RFNG: variants seen among roughly 807,000 people sequenced by gnomAD.
RFNG encodes the protein beta-1,3-N-acetylglucosaminyltransferase radical fringe.
In RFNG, 37 loss-of-function variants were observed where a neutral mutation model predicts 29.6. The ratio of observed to expected loss-of-function variants is 1.25; its 90% CI spans 0.96 to 1.65. The LOEUF (loss-of-function observed/expected upper bound fraction) is 1.65. Ranked by LOEUF, RFNG falls within the 40% of genes most tolerant of loss-of-function variation. The pLI is 0.00. For synonymous variants in RFNG, 276 were observed against 197.3 expected (o/e 1.40, Z -3.34); for missense variants, 546 against 457.0 (o/e 1.19, Z -1.78).
chr17:82,051,480 G>T lies in RFNG; in HGVS notation c.267+20C>A, dbSNP rs1477606916. The T allele has an allele frequency of 2.2e-6, 3 of 1,355,194 alleles. No individual in the cohort carries two copies. The highest frequency in any genetic ancestry group is 1.5e-5 in the African/African-American group (1 of 64,922). The allele number at this position is 1,355,194 out of a possible 1,614,324, so 83.9% of individuals were successfully genotyped here. On this transcript the variant is annotated intron_variant, in intron 1 of 7. Transcript: ENST00000310496. This position sits in a 1 kb window ranked among gnomAD's most constrained non-coding sequence, Gnocchi z 4.1. ...GCGGGTGGGCGTGGGGCTCGCCGTCGGGGTCGGGGTCCGGCGCACCTGCTG... is the reference window on the plus strand; with the variant it reads ...GCGGGTGGGCGTGGGGCTCGCCGTCTGGGTCGGGGTCCGGCGCACCTGCTG...
chr17:82,050,036 C>A (rs757848380), intron 4 of RFNG, 30 bp from the exon 5 acceptor site: 2 of 1,560,472 alleles, frequency 1.3e-6, no homozygotes, highest in Admixed American at 1.8e-5. Flanking sequence ...CAGAGCTGCC[C>A]AGGACAGGGC....
At chr17:82,050,137 A>G in intron 4 of RFNG, 131 bp from the exon 5 acceptor site, 1 of 906,768 alleles carries the variant, frequency 1.1e-6, no homozygotes. Context: ...AGCTTCTTGG[A>G]GCAAAAAGAG....
rs1300399813 is a variant in RFNG at position 82,050,560 on chromosome 17, G to A, written c.420-5C>T. The A allele has an allele frequency of 6.2e-7, 1 of 1,610,322 alleles. No homozygotes were observed. The highest frequency in any genetic ancestry group is 8.5e-7 in the Non-Finnish European group (1 of 1,177,996). On this transcript the variant is annotated splice_region_variant and splice_polypyrimidine_tract_variant and intron_variant, in intron 3 of 7. Coordinates refer to ENST00000310496, the MANE Select transcript of RFNG (RefSeq NM_002917.2). ...TCATCCACGTGGCAAAACCACCTGT[G>A]GGCGAGGGGAGTCCTGGGCACGAGG...
chr17:82,050,995 AG>A, intron 2 of RFNG: 1 of 1,421,398 alleles, frequency 7.0e-7, no homozygotes, highest in South Asian at 1.5e-5. Flanking sequence ...AACAGGACGG[AG>A]GCAGCTCGCC....
At chr17:82,050,789 G>A (rs745570604) in intron 2 of RFNG, 25 bp from the exon 3 acceptor site, 24 of 1,606,328 alleles carry the variant, frequency 1.5e-5, no homozygotes, top group Admixed American at 5.0e-5. Flanking sequence ...CGGGAAGCAC[G>A]CACGTAGAGG....
chr17:82,049,664 G>C lies in RFNG; in HGVS notation c.828+13C>G. 1 of 1,462,186 alleles carries C rather than the reference G, an allele frequency of 6.8e-7. No individual in the cohort carries two copies. Among genetic ancestry groups the C allele is most frequent in the Non-Finnish European group, 9.0e-7 (1 of 1,106,580 alleles). The allele number at this position is 1,462,186 out of a possible 1,614,324, so 90.6% of individuals were successfully genotyped here. A position where few individuals can be genotyped will look rare whatever the true frequency, so the allele number is the denominator to read the frequency against. On this transcript the variant is annotated intron_variant, in intron 6 of 7. Transcript: ENST00000310496. ...AGCCCAGGTGGCAGAGGCACCCAGA[G>C]TGGCGCCTGTACCTGCTGGAGCAGG...
Position 82,050,388 on chromosome 17 carries a change from G to T in RFNG, c.573+14C>A. On this transcript the variant is annotated intron_variant, in intron 4 of 7. Coordinates refer to ENST00000310496, the MANE Select transcript of RFNG (RefSeq NM_002917.2). ...GAAGGCGTCTGCTCCGATGGCGTCT[G>T]CTCCGACACTCACAGTTCTGCCACC... 1 of 1,560,464 alleles carries T rather than the reference G, an allele frequency of 6.4e-7. No homozygotes were observed.
rs759804427 is a variant in RFNG at position 82,048,818 on chromosome 17, A to G, written c.915-11T>C. On this transcript the variant is annotated splice_polypyrimidine_tract_variant and intron_variant, in intron 7 of 7. Coordinates refer to ENST00000310496, the MANE Select transcript of RFNG (RefSeq NM_002917.2). ...TGGATAGACTTAAACCTGGGGAAGG[A>G]AGAAGTAGGGGTCAGGGCCGTGGGC... 1 of 1,608,990 alleles carries G rather than the reference A, an allele frequency of 6.2e-7. No homozygotes were observed. Among genetic ancestry groups the G allele is most frequent in the Non-Finnish European group, 8.5e-7 (1 of 1,176,366 alleles).
In RFNG at chr17:82,051,574, T is replaced by C; in HGVS notation, c.193A>G (p.Lys65Glu). Residue 65 changes from lysine (K) to glutamate (E), a missense_variant, in exon 1 of 8, where the codon AAG becomes GAG. Transcript: ENST00000310496. The surrounding 1 kb of genome is among the most constrained non-coding windows in gnomAD (Gnocchi z 4.1). ...GGCCCGTGGTTCTTCCGGGTGGTCT[T>C]GACGGCGATGAAGACGTCGTCAGGC... ...LRPDDVFIAV[K>E]TTRKNHGPRL... The C allele has an allele frequency of 7.4e-7, 1 of 1,354,830 alleles. No homozygotes were observed. The highest frequency in any genetic ancestry group is 2.8e-4 in the Middle Eastern group (1 of 3,612). The allele number at this position is 1,354,830 out of a possible 1,614,324, so 83.9% of individuals were successfully genotyped here. A position where few individuals can be genotyped will look rare whatever the true frequency, so the allele number is the denominator to read the frequency against.
intron 6 of RFNG, 148 bp downstream of exon 6, chr17:82,049,529 C>T (rs2030132757): frequency 1.1e-6 from 1 of 935,234 alleles, no homozygotes; most frequent in Non-Finnish European, 1.7e-6. Flanking sequence ...TCCAACAGGC[C>T]AAGGGGCCTG....
intron 4 of RFNG, 54 bp from the exon 5 acceptor site, chr17:82,050,060 C>G: frequency 7.0e-7 from 1 of 1,424,270 alleles, no homozygotes; most frequent in Non-Finnish European, 9.7e-7. Flanking sequence ...TCACCCCTGA[C>G]TCTTCATGGG....
At chr17:82,049,300 G>A (rs1203363322) in intron 6 of RFNG, 184 bp from the exon 7 acceptor site, 5 of 706,356 alleles carry the variant, frequency 7.1e-6, no homozygotes, top group East Asian at 5.4e-5. Flanking sequence ...CTCAGGCAGA[G>A]CCTGGGGGAC....
chr17:82,050,206 A>G lies in RFNG; in HGVS notation c.573+196T>C, dbSNP rs554580884. 3.2e-5 allele frequency: 25 copies of G among 788,084 alleles called. No homozygotes were observed. In the African/African-American group the frequency reaches 4.2e-4, roughly 13 times the overall value. 48.8% of individuals were successfully genotyped at this position (788,084 alleles called of 1,614,324 possible). ...TCCAGACCCTCCCCACCTGGCCCAGACACCCCCTCTCTGCCCAGTACGGTG... is the reference window on the plus strand; with the variant it reads ...TCCAGACCCTCCCCACCTGGCCCAGGCACCCCCTCTCTGCCCAGTACGGTG... On this transcript the variant is annotated intron_variant, in intron 4 of 7. Coordinates refer to ENST00000310496, the MANE Select transcript of RFNG (RefSeq NM_002917.2).
Position 82,048,173 on chromosome 17 carries a change from G to C in RFNG, c.*553C>G, listed in dbSNP as rs1388210295. On this transcript the variant is annotated 3_prime_UTR_variant, in exon 8 of 8. Transcript: ENST00000310496. Reference sequence around the variant, plus strand: ...CCCAGTCAAGAGGCCTCCGAATGAGGCGCCTGGACTGGGAGCAAAGCTCTG... The same window carrying C: ...CCCAGTCAAGAGGCCTCCGAATGAGCCGCCTGGACTGGGAGCAAAGCTCTG... 6.4e-6 allele frequency: 1 copy of C among 157,170 alleles called. No individual in the cohort carries two copies. Among genetic ancestry groups the C allele is most frequent in the African/African-American group, 2.4e-5 (1 of 41,498 alleles). The allele number at this position is 157,170 out of a possible 1,614,324, so 9.7% of individuals were successfully genotyped here. A position where few individuals can be genotyped will look rare whatever the true frequency, so the allele number is the denominator to read the frequency against.
At position 82,048,849 on chromosome 17, in the gene RFNG, G is replaced by C. The variant is rs369573534; in HGVS notation, c.915-42C>G. 3.8e-6 allele frequency: 6 copies of C among 1,562,512 alleles called. No individual in the cohort carries two copies. The African/African-American group carries it at 6.8e-5, about 18-fold the overall frequency. On this transcript the variant is annotated intron_variant, in intron 7 of 7. Coordinates refer to ENST00000310496, the MANE Select transcript of RFNG (RefSeq NM_002917.2). Reference sequence around the variant, plus strand: ...TAGGGGTCAGGGCCGTGGGCGGAGAGAGAAGCGGGGGCCAGGGCCGTGGGC... The same window carrying C: ...TAGGGGTCAGGGCCGTGGGCGGAGACAGAAGCGGGGGCCAGGGCCGTGGGC...
rs772335800 is a variant in RFNG at position 82,049,739 on chromosome 17, G to A, written c.766C>T (p.Pro256Ser). 1.0e-4 allele frequency: 155 copies of A among 1,518,508 alleles called. No individual in the cohort carries two copies. The highest frequency in any genetic ancestry group is 1.3e-4 in the Non-Finnish European group (146 of 1,136,746). The allele number at this position is 1,518,508 out of a possible 1,614,324, so 94.1% of individuals were successfully genotyped here. The change falls in exon 6 of 8, where the codon CCC becomes TCC. Residue 256 changes from proline (P) to serine (S), a missense_variant. Physicochemically the swap from Pro to Ser is moderately conservative, Grantham distance 74. Coordinates refer to ENST00000310496, the MANE Select transcript of RFNG (RefSeq NM_002917.2). The part of the protein sequence containing the change: ...GLLGARLLHS[P>S]LFHSHLENLQ... The stretch of plus-strand genomic sequence containing the variant: ...TTCTCCAGGTGAGAGTGGAAGAGGG[G>A]GCTGTGCAGCAGGCGGGCGCCCAGG...
chr17:82,048,668 G>A lies in RFNG; in HGVS notation c.*58C>T, dbSNP rs1568027828. 6 of 1,416,550 alleles carry A rather than the reference G, an allele frequency of 4.2e-6. No homozygotes were observed. Among genetic ancestry groups the A allele is most frequent in the Non-Finnish European group, 6.0e-6 (6 of 1,008,202 alleles). The allele number at this position is 1,416,550 out of a possible 1,614,324, so 87.7% of individuals were successfully genotyped here. A position where few individuals can be genotyped will look rare whatever the true frequency, so the allele number is the denominator to read the frequency against. On this transcript the variant is annotated 3_prime_UTR_variant, in exon 8 of 8. Coordinates refer to ENST00000310496, the MANE Select transcript of RFNG (RefSeq NM_002917.2). ...AGGGAGCCCACTGAGCCCATAGGGG[G>A]CTCTGGTTCCCCGCGCCTGGGACAG...
In RFNG at chr17:82,049,898, G is replaced by A; in HGVS notation, c.662+20C>T. The A allele has an allele frequency of 1.9e-6, 3 of 1,611,368 alleles. No homozygotes were observed. Among genetic ancestry groups the A allele is most frequent in the Non-Finnish European group, 2.5e-6 (3 of 1,179,256 alleles). ...TCTCAGCCTCCGCCTCCCAGCCCGG[G>A]CAGCTGGACCCCCACTCACCTGGCC... On this transcript the variant is annotated intron_variant, in intron 5 of 7. Transcript: ENST00000310496.
rs1319249731 is a variant in RFNG at position 82,051,588 on chromosome 17, A to ACGT, written c.176_178dup (p.Asp59dup). 1 of 1,309,908 alleles carries ACGT rather than the reference A, an allele frequency of 7.6e-7. No homozygotes were observed. Among genetic ancestry groups the ACGT allele is most frequent in the Non-Finnish European group, 9.7e-7 (1 of 1,026,676 alleles). 81.1% of individuals were successfully genotyped at this position (1,309,908 alleles called of 1,614,324 possible). On this transcript the variant is annotated inframe_insertion, in exon 1 of 8. Coordinates refer to ENST00000310496, the MANE Select transcript of RFNG (RefSeq NM_002917.2). The surrounding 1 kb of genome is among the most constrained non-coding windows in gnomAD (Gnocchi z 4.1). ...CCGGGTGGTCTTGACGGCGATGAAG[A>ACGT]CGTCGTCAGGCCGCAGGCTGGGGGC...
Sources: gnomAD v4.1 joint callset for allele counts on GRCh38, gnomAD v4.1.1 for gene constraint, Gnocchi (gnomAD v3.1) non-coding constraint, MANE v1.5 for transcripts, NCBI Gene and HGNC (gene_info 2026-07-23, HGNC 2026-07-21) for gene names.